TRIO: variants seen among roughly 807,000 people sequenced by gnomAD.
TRIO encodes trio Rho guanine nucleotide exchange factor, also known as triple functional domain protein.
TRIO carries 58 observed loss-of-function variants against 351.9 expected under a neutral mutation model. That is an observed-to-expected ratio of 0.16 (90% CI 0.13 to 0.21). The LOEUF is 0.21. Among genes scored for constraint, TRIO ranks in the 10% least tolerant of loss-of-function variants. The pLI, the probability that TRIO is intolerant of heterozygous loss-of-function variation, is 1.00. For missense variants in TRIO, 3,201 were observed against 4,027.8 expected, an observed-to-expected ratio of 0.79 and a Z score of 5.56; for synonymous variants, 1,758 against 1,595.7, an observed-to-expected ratio of 1.10 and a Z score of -2.42.
At chr5:14,380,852 T>C (rs970294882) in intron 20 of TRIO, among the ~76,000 whole-genome samples, 2 of 152,168 alleles carry the variant, frequency 1.3e-5, no homozygotes, top group Non-Finnish European at 2.9e-5. Context: ...ATAAAGAAAA[T>C]GTGGCACATA....
chr5:14,313,169 C>T (rs2152303170), intron 8 of TRIO, among the ~76,000 whole-genome samples: 1 of 152,324 alleles, frequency 6.6e-6, no homozygotes, highest in Non-Finnish European at 1.5e-5. Flanking sequence ...GCCGCTGTCA[C>T]TATCAGTAAA....
chr5:14,372,956 G>T (rs941021840), intron 18 of TRIO, among the ~76,000 whole-genome samples: 1 of 152,174 alleles, frequency 6.6e-6, no homozygotes, highest in African/African-American at 2.4e-5. Context: ...AGTTCCATAG[G>T]ACAGGGGAGG....
chr5:14,446,728 T>C (rs533854632), intron 34 of TRIO, among the ~76,000 whole-genome samples: 28 of 152,280 alleles, frequency 1.8e-4, no homozygotes, highest in Non-Finnish European at 3.7e-4. Flanking sequence ...TCAAATATAA[T>C]TGTAAAAGGA....
chr5:14,284,800 C>T (rs571733442), intron 3 of TRIO, among the ~76,000 whole-genome samples: 13 of 152,272 alleles, frequency 8.5e-5, no homozygotes, highest in African/African-American at 3.1e-4. Context: ...AACATATTGC[C>T]ACCGTTTTAC....
At chr5:14,276,174 T>G (rs1049662278) in intron 2 of TRIO, among the ~76,000 whole-genome samples, 2 of 152,134 alleles carry the variant, frequency 1.3e-5, no homozygotes. Flanking sequence ...TAGTTCTTCA[T>G]GGTCTAGTTT....
intron 43 of TRIO, among the ~76,000 whole-genome samples, chr5:14,481,023 T>C (rs371618178): frequency 3.3e-5 from 5 of 151,568 alleles, no homozygotes; most frequent in Admixed American, 1.3e-4. Flanking sequence ...GTCTGGCCAG[T>C]GTGAGTGGCC....
At chr5:14,430,684 G>GTTTTA (rs375606260) in intron 34 of TRIO, among the ~76,000 whole-genome samples, 1,285 of 94,390 alleles carry the variant, frequency 0.014, 14 homozygotes, top group African/African-American at 0.026. Context: ...AGTGAATTTC[G>GTTTTA]TTTTATTTTA....
At chr5:14,430,738 CAG>C (rs1176376268) in intron 34 of TRIO, among the ~76,000 whole-genome samples, 1 of 146,720 alleles carries the variant, frequency 6.8e-6, no homozygotes, top group Non-Finnish European at 1.5e-5. Context: ...TTTACTGAGA[CAG>C]AGTCTTGCTC....
At chr5:14,487,426 C>A in intron 47 of TRIO, 38 bp from the exon 48 acceptor site, 2 of 1,095,712 alleles carry the variant, frequency 1.8e-6, no homozygotes, top group Middle Eastern at 2.7e-4. Context: ...TGCTCCTTGG[C>A]GCCCTGACCC....
At chr5:14,161,712 TA>T (rs1277152659) in intron 1 of TRIO, among the ~76,000 whole-genome samples, 1 of 152,212 alleles carries the variant, frequency 6.6e-6, no homozygotes, top group Non-Finnish European at 1.5e-5. Context: ...CCTAGAAATG[TA>T]TTTTGAAAAA....
intron 1 of TRIO, among the ~76,000 whole-genome samples, chr5:14,259,140 C>T (rs1795198550): frequency 6.6e-6 from 1 of 152,264 alleles, no homozygotes; most frequent in African/African-American, 2.4e-5. Context: ...CGGTCACTTT[C>T]GGTTTTAGTG....
chr5:14,449,767 T>C (rs868084271), intron 34 of TRIO, among the ~76,000 whole-genome samples: 7 of 152,220 alleles, frequency 4.6e-5, no homozygotes, highest in South Asian at 2.1e-4. Flanking sequence ...CTTTCTTCAT[T>C]TATTTTATTT....
intron 1 of TRIO, among the ~76,000 whole-genome samples, chr5:14,265,313 A>G (rs1301582658): frequency 6.6e-6 from 1 of 152,144 alleles, no homozygotes; most frequent in African/African-American, 2.4e-5. Flanking sequence ...TTCTTCTAAC[A>G]GTTTTTACTG....
chr5:14,259,101 C>T (rs1020603658), intron 1 of TRIO, among the ~76,000 whole-genome samples: 3 of 152,176 alleles, frequency 2.0e-5, no homozygotes, highest in Non-Finnish European at 4.4e-5. Flanking sequence ...TTCCCTCTGC[C>T]GGGTCCTGGA....
At chr5:14,489,818 G>T (rs1756348064) in intron 48 of TRIO, among the ~76,000 whole-genome samples, 1 of 152,178 alleles carries the variant, frequency 6.6e-6, no homozygotes, top group Non-Finnish European at 1.5e-5. Context: ...CGAGCTTTAG[G>T]TTGGGAAAGT....
At position 14,449,414 on chromosome 5, in the gene TRIO, C is replaced by T. The variant is rs552679218; in HGVS notation, c.5204-11605C>T. On this transcript the variant is annotated intron_variant, in intron 34 of 56. Transcript: ENST00000344204. ...CGCGGCCAGCCTCCTATCTCTAGGG[C>T]TTCTCACTCTGGGTGGTGATGAGGC... Among the ~76,000 whole-genome samples the T allele has an allele frequency of 3.0e-4, 46 of 152,328 alleles. No homozygotes were observed. The South Asian group carries it at 9.1e-3, about 30-fold the overall frequency.
chr5:14,205,776 G>C (rs1230426167), intron 1 of TRIO, among the ~76,000 whole-genome samples: 1 of 151,962 alleles, frequency 6.6e-6, no homozygotes, highest in Non-Finnish European at 1.5e-5. Context: ...GCTGTCACCC[G>C]GGCTGGAGTG....
chr5:14,437,011 C>T (rs926387609), intron 34 of TRIO, among the ~76,000 whole-genome samples: 9 of 152,220 alleles, frequency 5.9e-5, no homozygotes, highest in African/African-American at 1.9e-4. Flanking sequence ...GTGTGTATGA[C>T]TTTACATCAT....
intron 1 of TRIO, among the ~76,000 whole-genome samples, chr5:14,222,008 G>A (rs556698936): frequency 1.3e-5 from 2 of 151,304 alleles, no homozygotes; most frequent in Admixed American, 1.3e-4. Flanking sequence ...TTAAGAAATT[G>A]CCGCAGCCAC....
Sources: allele counts gnomAD v4.1 joint callset (sites outside exome capture counted in the v4.1 genomes callset), GRCh38; gene constraint gnomAD v4.1.1; transcripts MANE v1.5; gene names NCBI Gene and HGNC (gene_info 2026-07-23, HGNC 2026-07-21).